Variants in WNT8A observed in about 807,000 individuals in gnomAD.
WNT8A encodes Wnt family member 8A.
WNT8A carries 14 observed loss-of-function variants against 20.5 expected under a neutral mutation model. That is an observed-to-expected ratio of 0.68 (90% CI 0.45 to 1.07). The LOEUF (loss-of-function observed/expected upper bound fraction) is 1.07. WNT8A is among the 50% of genes least tolerant of loss of function. The pLI is 0.00. For synonymous variants in WNT8A, 167 were observed against 169.2 expected, an observed-to-expected ratio of 0.99 and a Z score of 0.10; for missense variants, 397 against 462.9, an observed-to-expected ratio of 0.86 and a Z score of 1.31.
chr5:138,090,569 C>T lies in WNT8A; in HGVS notation c.606C>T (p.Gly202=). The change falls in exon 5 of 5, where the codon GGC becomes GGT. Residue 202 remains glycine, a synonymous_variant. Transcript: ENST00000506684. ...ATMKRTCKCH[G]ISGSCSIQTC... ...TGAAAAGGACATGCAAATGTCATGG[C>T]ATCTCTGGGAGCTGCAGCATACAGA... 1 of 1,614,136 alleles carries T rather than the reference C, an allele frequency of 6.2e-7. No homozygotes were observed. The highest frequency in any genetic ancestry group is 8.5e-7 in the Non-Finnish European group (1 of 1,180,020).
intron 2 of WNT8A, among the ~76,000 whole-genome samples, chr5:138,086,907 G>A (rs1489375960): frequency 6.7e-6 from 1 of 148,568 alleles, no homozygotes; most frequent in East Asian, 2.1e-4. Flanking sequence ...ATAGCCGGGT[G>A]TGGTAGCATG....
Position 138,090,932 on chromosome 5 carries a change from A to G in WNT8A, c.969A>G (p.Lys323=). 2 of 1,614,144 alleles carry G rather than the reference A, an allele frequency of 1.2e-6. No individual in the cohort carries two copies. Among genetic ancestry groups the G allele is most frequent in the Non-Finnish European group, 1.7e-6 (2 of 1,180,016 alleles). ...TECGLQVEER[K]TEVISSCNCK... ...GTGGGCTGCAGGTGGAAGAGAGGAA[A>G]ACTGAGGTCATAAGCAGCTGTAACT... The change falls in exon 5 of 5, where the codon AAA becomes AAG. Residue 323 remains lysine, a synonymous_variant. Transcript: ENST00000506684.
At position 138,091,183 on chromosome 5, in the gene WNT8A, G is replaced by A; in HGVS notation, c.*110G>A. On this transcript the variant is annotated 3_prime_UTR_variant, in exon 5 of 5. Coordinates refer to ENST00000506684, the MANE Select transcript of WNT8A (RefSeq NM_001300939.2). ...AATCGGAAAATTGCAGTTTTGGTCT[G>A]TAGTCCTCATGATATCTGCTATCAG... The A allele has an allele frequency of 6.5e-7, 1 of 1,541,656 alleles. No individual in the cohort carries two copies. The highest frequency in any genetic ancestry group is 1.9e-5 in the Admixed American group (1 of 51,736).
Position 138,088,023 on chromosome 5 carries a change from C to G in WNT8A, c.421+92C>G, listed in dbSNP as rs1750728841. 3.2e-6 allele frequency: 5 copies of G among 1,552,190 alleles called. No individual in the cohort carries two copies. The South Asian group carries it at 3.6e-5, about 11-fold the overall frequency. The stretch of plus-strand genomic sequence containing the variant: ...TCTTCCAGAGAAAGGCTGAGGGACA[C>G]AGCTCCCTTAAACCTCAAGACTCCA... On this transcript the variant is annotated intron_variant, in intron 3 of 4. Coordinates refer to ENST00000506684, the MANE Select transcript of WNT8A (RefSeq NM_001300939.2).
upstream of WNT8A, among the ~76,000 whole-genome samples, chr5:138,079,157 A>T (rs955675681): frequency 6.6e-6 from 1 of 152,072 alleles, no homozygotes; most frequent in Non-Finnish European, 1.5e-5. Context: ...TGTGGCCTAG[A>T]GGGAGGACAC....
At chr5:138,080,444 G>GTTTTTGTT (rs1750473690), upstream of WNT8A, among the ~76,000 whole-genome samples, 1 of 55,974 alleles carries the variant, frequency 1.8e-5, no homozygotes, top group Non-Finnish European at 3.2e-5. Context: ...TGTAAATCTT[G>GTTTTTGTT]TTTTTTTTTT....
chr5:138,084,497 G>T lies in WNT8A; in HGVS notation c.157-1G>T. ...GCTCACAGCCCTTTTCCCTTTGCCA[G>T]GCCTATCTGACCTACACGACTAGTG... is the stretch of plus-strand genomic sequence containing the variant. On this transcript the variant is annotated splice_acceptor_variant, in intron 1 of 4. Coordinates refer to ENST00000506684, the MANE Select transcript of WNT8A (RefSeq NM_001300939.2). LOFTEE classifies it high-confidence loss of function. The T allele has an allele frequency of 6.2e-7, 1 of 1,601,016 alleles. No homozygotes were observed. Among genetic ancestry groups the T allele is most frequent in the South Asian group, 1.1e-5 (1 of 89,276 alleles).
chr5:138,085,077 C>T (rs1359804946), intron 2 of WNT8A, among the ~76,000 whole-genome samples: 1 of 152,124 alleles, frequency 6.6e-6, no homozygotes, highest in East Asian at 1.9e-4. Context: ...GCTGGGATTA[C>T]AGGCATGCAA....
chr5:138,081,647 A>G (rs2151142792), upstream of WNT8A, among the ~76,000 whole-genome samples: 1 of 152,006 alleles, frequency 6.6e-6, no homozygotes, highest in African/African-American at 2.4e-5. Flanking sequence ...TGGGACACCT[A>G]TTTTCCCCAA....
At chr5:138,088,546 T>C (rs1294494703) in intron 3 of WNT8A, among the ~76,000 whole-genome samples, 1 of 152,016 alleles carries the variant, frequency 6.6e-6, no homozygotes, top group Non-Finnish European at 1.5e-5. Flanking sequence ...TTAGTAGAGA[T>C]GGGGTTTCAC....
Position 138,091,292 on chromosome 5 carries a change from C to A in WNT8A, c.*219C>A. 1 of 1,555,312 alleles carries A rather than the reference C, an allele frequency of 6.4e-7. No individual in the cohort carries two copies. Among genetic ancestry groups the A allele is most frequent in the African/African-American group, 1.3e-5 (1 of 74,074 alleles). On this transcript the variant is annotated 3_prime_UTR_variant, in exon 5 of 5. Coordinates refer to ENST00000506684, the MANE Select transcript of WNT8A (RefSeq NM_001300939.2). The stretch of plus-strand genomic sequence containing the variant: ...CCTGGGCCTCCTGACTTTGGCAGAC[C>A]CCCATTTCATCTTTCCTGCAAACTA...
In WNT8A at chr5:138,091,240, A is replaced by G. The variant is rs1376561755; in HGVS notation, c.*167A>G. ...AAATGGAGGCCCAAGATTCTACAGC[A>G]TATTCCTGGCGGGGCTGAAATTGGA... On this transcript the variant is annotated 3_prime_UTR_variant, in exon 5 of 5. Coordinates refer to ENST00000506684, the MANE Select transcript of WNT8A (RefSeq NM_001300939.2). 2 of 1,570,394 alleles carry G rather than the reference A, an allele frequency of 1.3e-6. No individual in the cohort carries two copies. Among genetic ancestry groups the G allele is most frequent in the African/African-American group, 2.7e-5 (2 of 73,992 alleles).
At chr5:138,084,473 C>T in intron 1 of WNT8A, 25 bp from the exon 2 acceptor site, 1 of 1,581,574 alleles carries the variant, frequency 6.3e-7, no homozygotes, top group Non-Finnish European at 8.6e-7. Flanking sequence ...CGGGCAGAAG[C>T]TCACAGCCCT....
At position 138,090,655 on chromosome 5, in the gene WNT8A, A is replaced by T. The variant is rs770952615; in HGVS notation, c.692A>T (p.Asp231Val). The T allele has an allele frequency of 3.1e-6, 5 of 1,614,240 alleles. No individual in the cohort carries two copies. In the South Asian group the frequency reaches 5.5e-5, roughly 18 times the overall value. Residue 231 changes from aspartate (D) to valine (V), a missense_variant, in exon 5 of 5, where the codon GAC becomes GTC. Asp to Val is a radical substitution (Grantham distance 152). Transcript: ENST00000506684. ...EMGDYLKAKY[D>V]QALKIEMDKR... ...GGAGACTACCTAAAGGCCAAGTATG[A>T]CCAGGCGCTGAAAATTGAAATGGAT... is the stretch of plus-strand genomic sequence containing the variant.
At chr5:138,083,060 T>C (rs574685236), upstream of WNT8A, among the ~76,000 whole-genome samples, 19 of 152,068 alleles carry the variant, frequency 1.2e-4, no homozygotes, top group Non-Finnish European at 2.1e-4. Flanking sequence ...GGTGGGCAGA[T>C]CACTTGAGCC....
chr5:138,089,181 G>A (rs1750769845), intron 4 of WNT8A, 112 bp downstream of exon 4: 3 of 1,438,862 alleles, frequency 2.1e-6, no homozygotes, highest in Admixed American at 4.6e-5. Flanking sequence ...CAGCCAGATT[G>A]AGATGGCTAC....
intron 4 of WNT8A, among the ~76,000 whole-genome samples, chr5:138,089,766 A>T (rs1432618532): frequency 1.3e-5 from 2 of 152,130 alleles, no homozygotes; most frequent in African/African-American, 4.8e-5. Flanking sequence ...GGCTGAAGCC[A>T]TCCTCCCACC....
chr5:138,079,432 C>T (rs1750448691), upstream of WNT8A, among the ~76,000 whole-genome samples: 1 of 151,014 alleles, frequency 6.6e-6, no homozygotes. Flanking sequence ...TGCTAAATTT[C>T]ACTATCATTT....
upstream of WNT8A, among the ~76,000 whole-genome samples, chr5:138,082,133 G>A (rs575635834): frequency 6.6e-6 from 1 of 152,270 alleles, no homozygotes; most frequent in African/African-American, 2.4e-5. Context: ...TCCTTCTCCA[G>A]CCTTAGGAAA....
Sources: allele counts gnomAD v4.1 joint callset (sites outside exome capture counted in the v4.1 genomes callset), GRCh38; gene constraint gnomAD v4.1.1; transcripts MANE v1.5; gene names NCBI Gene and HGNC (gene_info 2026-07-23, HGNC 2026-07-21).